The following NDUFAF6 variants were observed in gnomAD, a reference collection of about 807,000 sequenced individuals.
The protein encoded by NDUFAF6 is NADH dehydrogenase (ubiquinone) complex I, assembly factor 6.
In NDUFAF6, 45 loss-of-function variants were observed where a neutral mutation model predicts 40.8. That is an observed-to-expected ratio of 1.10 (90% CI 0.87 to 1.42). The LOEUF (loss-of-function observed/expected upper bound fraction) is 1.42, where lower values mean the gene tolerates loss of function less well. Ranked by LOEUF, NDUFAF6 falls within the 40% of genes most tolerant of loss-of-function variation. The probability of loss-of-function intolerance (pLI) is 0.00; values close to 1 mark genes in which losing one functional copy is unlikely to be tolerated. For missense variants in NDUFAF6, 435 were observed against 418.5 expected (o/e 1.04, Z -0.34); for synonymous variants, 185 against 155.9 (o/e 1.19, Z -1.39).
chr8:94,948,778 G>C (rs1050981167), intron 2 of NDUFAF6, among the ~76,000 whole-genome samples: 2 of 152,116 alleles, frequency 1.3e-5, no homozygotes, highest in Admixed American at 1.3e-4. Context: ...AGGGGAGTGA[G>C]GAGGGGTGAG....
Position 95,057,970 on chromosome 8 carries a change from C to CT in NDUFAF6, c.*34dup. 1 of 1,503,656 alleles carries CT rather than the reference C, an allele frequency of 6.7e-7. No homozygotes were observed. The highest frequency in any genetic ancestry group is 9.2e-7 in the Non-Finnish European group (1 of 1,088,066). The allele number at this position is 1,503,656 out of a possible 1,614,324, so 93.1% of individuals were successfully genotyped here. ...TCATGGCATTGATGTTAATTCTAGTCTATTAGTTTTATAAAAGTTAGGATT... is the reference window on the plus strand; with the variant it reads ...TCATGGCATTGATGTTAATTCTAGTCTTATTAGTTTTATAAAAGTTAGGATT... On this transcript the variant is annotated 3_prime_UTR_variant, in exon 9 of 9. Transcript: ENST00000396124.
chr8:94,976,392 T>C lies in NDUFAF6; in HGVS notation c.-198-4467T>C, dbSNP rs1371680679. Among the ~76,000 whole-genome samples, 26 of 143,964 alleles carry C rather than the reference T, an allele frequency of 1.8e-4. 1 individual carries two copies. Among genetic ancestry groups the C allele is most frequent in the Admixed American group, 1.5e-3 (21 of 14,204 alleles). The allele number at this position is 143,964 out of a possible 152,430, so 94.4% of individuals were successfully genotyped here. ...GGTGGCGCATCCCTGTAATCCCAGC[T>C]ACTTGGGTGGCTGAGTTACGAGAAT... On this transcript the variant is annotated intron_variant, in intron 1 of 9. Coordinates refer to the NDUFAF6 transcript ENST00000396111.
At chr8:95,086,487 C>A (rs774241969) in intron 2 of NDUFAF6, among the ~76,000 whole-genome samples, 9 of 152,230 alleles carry the variant, frequency 5.9e-5, no homozygotes, top group Non-Finnish European at 8.8e-5. Context: ...AAATAGCAAA[C>A]TGTCCGAAAT....
chr8:95,005,769 A>G (rs180965318), intron 2 of NDUFAF6, among the ~76,000 whole-genome samples: 2,217 of 151,612 alleles, frequency 0.015, 24 homozygotes, highest in Non-Finnish European at 0.022. Context: ...GCCTTTAATT[A>G]GACCAATTCG....
intron 2 of NDUFAF6, among the ~76,000 whole-genome samples, chr8:94,986,103 G>A (rs931142430): frequency 6.6e-6 from 1 of 152,072 alleles, no homozygotes; most frequent in Non-Finnish European, 1.5e-5. Context: ...TCGATCTCCT[G>A]ACCTCGTGAT....
intron 2 of NDUFAF6, among the ~76,000 whole-genome samples, chr8:95,015,858 G>C (rs1004308165): frequency 6.6e-6 from 1 of 151,422 alleles, no homozygotes; most frequent in Admixed American, 6.6e-5. Context: ...CTGAGGTTGT[G>C]ACATTTAAGA....
In NDUFAF6 at chr8:95,058,278, C is replaced by T. The variant is rs1832435242; in HGVS notation, c.*341C>T. On this transcript the variant is annotated 3_prime_UTR_variant, in exon 9 of 9. Coordinates refer to ENST00000396124, the MANE Select transcript of NDUFAF6 (RefSeq NM_152416.4). ...AGAAGGAATGTCATTCTCCCTTCAC[C>T]ACTGGGGAAGGAAAGGGGAAAGGGC... is the stretch of plus-strand genomic sequence containing the variant. 5 of 1,291,336 alleles carry T rather than the reference C, an allele frequency of 3.9e-6. No individual in the cohort carries two copies. Among genetic ancestry groups the T allele is most frequent in the Non-Finnish European group, 4.9e-6 (5 of 1,023,924 alleles). 80.0% of individuals were successfully genotyped at this position (1,291,336 alleles called of 1,614,324 possible). A position where few individuals can be genotyped will look rare whatever the true frequency, so the allele number is the denominator to read the frequency against.
chr8:95,081,049 C>A (rs1415596576), downstream of NDUFAF6, among the ~76,000 whole-genome samples: 3 of 149,752 alleles, frequency 2.0e-5, no homozygotes, highest in African/African-American at 7.3e-5. Context: ...ATGTTGATGG[C>A]TGCACTGTCT....
At chr8:94,928,366 T>C (rs2131300046) in intron 1 of NDUFAF6, 1 of 152,400 alleles carries the variant, frequency 6.6e-6, no homozygotes, top group South Asian at 2.1e-4. Flanking sequence ...AGAGACGCCG[T>C]GTATTCAGAG....
At chr8:95,055,915 C>G (rs1457457445) in intron 8 of NDUFAF6, among the ~76,000 whole-genome samples, 4 of 152,204 alleles carry the variant, frequency 2.6e-5, no homozygotes, top group African/African-American at 9.6e-5. Context: ...TTTCCCATCT[C>G]ATTTCCCTGC....
intron 1 of NDUFAF6, chr8:94,932,252 G>C (rs886169522): frequency 5.0e-6 from 4 of 803,928 alleles, no homozygotes; most frequent in Non-Finnish European, 8.0e-6. Flanking sequence ...AAGATAACAT[G>C]TAAAACCTTC....
rs183882640 is a variant in NDUFAF6 at position 94,946,830 on chromosome 8, G to A, written c.-799+1211G>A. On this transcript the variant is annotated intron_variant, in intron 2 of 14. Coordinates refer to the NDUFAF6 transcript ENST00000396113. ...GTTTTCTCATCCTTAACATGGGAATGATAGTTATAATACCTACTTCACAGT... is the reference window on the plus strand; with the variant it reads ...GTTTTCTCATCCTTAACATGGGAATAATAGTTATAATACCTACTTCACAGT... Among the ~76,000 whole-genome samples, 4 of 151,636 alleles carry A rather than the reference G, an allele frequency of 2.6e-5. No homozygotes were observed. The East Asian group carries it at 7.8e-4, about 30-fold the overall frequency.
chr8:95,053,702 T>C (rs1341380420), intron 8 of NDUFAF6, among the ~76,000 whole-genome samples: 1 of 151,708 alleles, frequency 6.6e-6, no homozygotes, highest in African/African-American at 2.4e-5. Context: ...CTTGGCTCAC[T>C]GCAGCCTCCG....
At chr8:95,005,296 A>G (rs1826912883) in intron 2 of NDUFAF6, among the ~76,000 whole-genome samples, 1 of 152,030 alleles carries the variant, frequency 6.6e-6, no homozygotes, top group Non-Finnish European at 1.5e-5. Flanking sequence ...AGGCATCAGG[A>G]ACCATTCACA....
chr8:94,900,521 C>T (rs1290645934), intron 1 of NDUFAF6, among the ~76,000 whole-genome samples: 21 of 152,260 alleles, frequency 1.4e-4, no homozygotes, highest in Middle Eastern at 3.4e-3. Flanking sequence ...GACAGCGCAC[C>T]TCAGAGATGG....
downstream of NDUFAF6, among the ~76,000 whole-genome samples, chr8:95,104,355 C>T (rs1191774784): frequency 6.6e-6 from 1 of 152,200 alleles, no homozygotes; most frequent in Non-Finnish European, 1.5e-5. Flanking sequence ...ATGGCCTCTC[C>T]TATCTTCTGC....
At chr8:95,095,318 G>A (rs1008655944) in intron 2 of NDUFAF6, among the ~76,000 whole-genome samples, 2 of 152,120 alleles carry the variant, frequency 1.3e-5, no homozygotes, top group Non-Finnish European at 1.5e-5. Context: ...TGAGAAGATA[G>A]TCACCTTAGT....
intron 1 of NDUFAF6, among the ~76,000 whole-genome samples, chr8:94,922,913 A>G (rs760244644): frequency 6.2e-4 from 95 of 152,338 alleles, no homozygotes; most frequent in Non-Finnish European, 1.1e-3. Context: ...AGAATTGCCA[A>G]ACTGGCACTT....
intron 2 of NDUFAF6, among the ~76,000 whole-genome samples, chr8:95,017,176 G>A (rs1827495580): frequency 6.9e-6 from 1 of 145,964 alleles, no homozygotes; most frequent in African/African-American, 2.6e-5. Flanking sequence ...CCTCAGCTCA[G>A]CTGATCTGCC....
Sources: allele counts gnomAD v4.1 joint callset (sites outside exome capture counted in the v4.1 genomes callset), GRCh38; gene constraint gnomAD v4.1.1; transcripts MANE v1.5; gene names NCBI Gene and HGNC (gene_info 2026-07-23, HGNC 2026-07-21).